Variants in AGBL4 observed in about 807,000 individuals in gnomAD.
AGBL4 encodes cytosolic carboxypeptidase 6.
A neutral mutation model predicts 66.4 loss-of-function variants in AGBL4; 58 were observed. The observed-to-expected ratio is 0.87, with a 90% CI of 0.71 to 1.09. The LOEUF is 1.09. Ranked by LOEUF, AGBL4 falls within the 50% of genes least tolerant of loss-of-function variation. The probability of loss-of-function intolerance (pLI) is 0.00; values close to 1 mark genes in which losing one functional copy is unlikely to be tolerated. For synonymous variants in AGBL4, 234 were observed against 222.9 expected (o/e 1.05, Z -0.44); for missense variants, 579 against 631.0 (o/e 0.92, Z 0.88).
intron 3 of AGBL4, among the ~76,000 whole-genome samples, chr1:49,543,702 A>G (rs866155700): frequency 2.6e-5 from 4 of 152,190 alleles, no homozygotes; most frequent in Admixed American, 6.5e-5. Context: ...AGGTTGCCAC[A>G]TATTTGTGAA....
intron 3 of AGBL4, among the ~76,000 whole-genome samples, chr1:49,339,966 A>G (rs568245526): frequency 6.6e-6 from 1 of 152,284 alleles, no homozygotes; most frequent in African/African-American, 2.4e-5. Context: ...TTTTTGTGAA[A>G]AACTACATAT....
At chr1:49,466,729 T>C (rs974918115) in intron 3 of AGBL4, among the ~76,000 whole-genome samples, 1 of 151,854 alleles carries the variant, frequency 6.6e-6, no homozygotes, top group African/African-American at 2.4e-5. Flanking sequence ...ACATGGGATA[T>C]CTGAAGCAGC....
At chr1:49,607,673 C>T (rs771541481) in intron 3 of AGBL4, among the ~76,000 whole-genome samples, 1 of 152,118 alleles carries the variant, frequency 6.6e-6, no homozygotes, top group African/African-American at 2.4e-5. Context: ...TTAGTCTATA[C>T]AGCAAGACTA....
At chr1:49,584,805 T>C (rs1644616190) in intron 3 of AGBL4, among the ~76,000 whole-genome samples, 1 of 152,214 alleles carries the variant, frequency 6.6e-6, no homozygotes, top group African/African-American at 2.4e-5. Context: ...ATATTTAAAG[T>C]ATGCTTTATC....
intron 4 of AGBL4, among the ~76,000 whole-genome samples, chr1:49,237,698 C>T (rs1287456349): frequency 4.0e-5 from 6 of 151,586 alleles, no homozygotes; most frequent in Non-Finnish European, 7.4e-5. Context: ...TCTACATATA[C>T]TGAGAACCAT....
chr1:48,679,873 G>T (rs180838713), intron 6 of AGBL4, among the ~76,000 whole-genome samples: 1 of 152,294 alleles, frequency 6.6e-6, no homozygotes, highest in East Asian at 1.9e-4. Context: ...TGATCTCTGC[G>T]GCCAGAGGCC....
chr1:49,694,508 T>C (rs954907174), intron 3 of AGBL4, among the ~76,000 whole-genome samples: 1 of 152,114 alleles, frequency 6.6e-6, no homozygotes, highest in East Asian at 1.9e-4. Context: ...TGATTTCTAA[T>C]TGGAACAAGG....
chr1:48,851,217 G>A (rs1481475757), intron 6 of AGBL4, among the ~76,000 whole-genome samples: 1 of 152,162 alleles, frequency 6.6e-6, no homozygotes, highest in East Asian at 1.9e-4. Context: ...CTGGGCTTCA[G>A]TGAACTAAAT....
At chr1:48,590,718 T>C in intron 10 of AGBL4, 115 bp downstream of exon 10, 1 of 1,200,476 alleles carries the variant, frequency 8.3e-7, no homozygotes, top group Non-Finnish European at 1.1e-6. Context: ...ACACAATACC[T>C]AACACAGAGT....
chr1:48,664,258 T>C (rs924394471), intron 6 of AGBL4, among the ~76,000 whole-genome samples: 1 of 152,192 alleles, frequency 6.6e-6, no homozygotes, highest in African/African-American at 2.4e-5. Context: ...AGGAATCCTC[T>C]TGATTCTTTG....
intron 3 of AGBL4, among the ~76,000 whole-genome samples, chr1:49,267,911 C>T (rs1643961464): frequency 1.3e-5 from 2 of 152,130 alleles, no homozygotes; most frequent in African/African-American, 4.8e-5. Flanking sequence ...TGGGGGAAAC[C>T]ACCCCCATGA....
At chr1:49,152,510 G>T (rs548389651) in intron 4 of AGBL4, among the ~76,000 whole-genome samples, 2 of 152,192 alleles carry the variant, frequency 1.3e-5, no homozygotes, top group Non-Finnish European at 2.9e-5. Flanking sequence ...AGATGACCCT[G>T]TGAGTTGCAT....
intron 2 of AGBL4, among the ~76,000 whole-genome samples, chr1:49,781,764 T>C (rs1644342794): frequency 6.6e-6 from 1 of 152,098 alleles, no homozygotes; most frequent in Non-Finnish European, 1.5e-5. Flanking sequence ...TCAATAAATT[T>C]TTGAAGTTTG....
chr1:48,923,345 G>A (rs1654254105), intron 5 of AGBL4, among the ~76,000 whole-genome samples: 1 of 152,186 alleles, frequency 6.6e-6, no homozygotes, highest in African/African-American at 2.4e-5. Flanking sequence ...AGTGCCTGCT[G>A]AAATGTAGGG....
intron 4 of AGBL4, among the ~76,000 whole-genome samples, chr1:49,118,199 AC>A (rs1363041370): frequency 6.6e-6 from 1 of 152,088 alleles, no homozygotes; most frequent in Non-Finnish European, 1.5e-5. Flanking sequence ...CTAATTGCAT[AC>A]CCTTTATTTC....
chr1:49,786,777 T>C (rs1231535403), intron 2 of AGBL4, among the ~76,000 whole-genome samples: 1 of 152,186 alleles, frequency 6.6e-6, no homozygotes, highest in Non-Finnish European at 1.5e-5. Context: ...CAAATTTTAC[T>C]ATAGGTATCA....
chr1:48,724,389 A>G (rs1461466765), intron 6 of AGBL4, among the ~76,000 whole-genome samples: 2 of 152,182 alleles, frequency 1.3e-5, no homozygotes, highest in Admixed American at 6.5e-5. Flanking sequence ...TGTGTGATGA[A>G]AAGTGTGCAG....
chr1:48,895,724 G>C (rs547654163), intron 5 of AGBL4, among the ~76,000 whole-genome samples: 2 of 152,290 alleles, frequency 1.3e-5, no homozygotes, highest in East Asian at 1.9e-4. Context: ...CCCTGAAAGA[G>C]ACTCGAGCAT....
intron 6 of AGBL4, among the ~76,000 whole-genome samples, chr1:48,853,800 C>T (rs1337756843): frequency 2.0e-5 from 3 of 152,146 alleles, no homozygotes; most frequent in African/African-American, 7.2e-5. Context: ...CAGCACATTA[C>T]ACTGGCCTAC....
Sources: allele counts gnomAD v4.1 joint callset (sites outside exome capture counted in the v4.1 genomes callset), GRCh38; gene constraint gnomAD v4.1.1; transcripts MANE v1.5; gene names NCBI Gene and HGNC (gene_info 2026-07-23, HGNC 2026-07-21).